The following CFTR variants were observed in gnomAD, a reference collection of about 807,000 sequenced individuals.
CFTR encodes CF transmembrane conductance regulator.
A neutral mutation model predicts 171.6 loss-of-function variants in CFTR; 181 were observed. The observed-to-expected ratio is 1.05, with a 90% CI of 0.93 to 1.19. CFTR has a LOEUF of 1.19. Ranked by LOEUF, CFTR falls within the 50% of genes most tolerant of loss-of-function variation. The probability of loss-of-function intolerance (pLI) is 0.00; values close to 1 mark genes in which losing one functional copy is unlikely to be tolerated. For synonymous variants in CFTR, 583 were observed against 608.0 expected, an observed-to-expected ratio of 0.96 and a Z score of 0.60; for missense variants, 1,968 against 1,734.7, an observed-to-expected ratio of 1.13 and a Z score of -2.39.
intron 1 of CFTR, among the ~76,000 whole-genome samples, chr7:117,485,198 A>G (rs1353300593): frequency 2.0e-5 from 3 of 152,212 alleles, no homozygotes; most frequent in South Asian, 2.1e-4. Context: ...GAGCTACAAT[A>G]TAAGTATAGT....
chr7:117,603,609 C>G lies in CFTR; in HGVS notation c.2735C>G (p.Ser912Trp). The G allele has an allele frequency of 1.9e-6, 3 of 1,613,974 alleles. No homozygotes were observed. Among genetic ancestry groups the G allele is most frequent in the Non-Finnish European group, 2.5e-6 (3 of 1,179,904 alleles). The change falls in exon 17 of 27, where the codon TCG becomes TGG. Residue 912 changes from serine (S) to tryptophan (W), a missense_variant. Ser to Trp is a radical substitution (Grantham distance 177). Coordinates refer to ENST00000003084, the MANE Select transcript of CFTR (RefSeq NM_000492.4). ...GCAGTGATTATCACCAGCACCAGTT[C>G]GTATTATGTGTTTTACATTTACGTG... is the stretch of plus-strand genomic sequence containing the variant. The part of the protein sequence containing the change: ...SYAVIITSTS[S>W]YYVFYIYVGV...
At chr7:117,653,582 C>A (rs971456572) in intron 24 of CFTR, among the ~76,000 whole-genome samples, 3 of 152,108 alleles carry the variant, frequency 2.0e-5, no homozygotes, top group African/African-American at 4.8e-5. Context: ...AATACTATCA[C>A]CTTGGGGGTT....
chr7:117,602,995 A>G lies in CFTR; in HGVS notation c.2657+132A>G, dbSNP rs1217980222. On this transcript the variant is annotated intron_variant, in intron 16 of 26. Transcript: ENST00000003084. ...CCAAGCATTATGGTAGTGGAAAGAT[A>G]AGGTTTTTTGTTTAAATGATGACCA... is the stretch of plus-strand genomic sequence containing the variant. The G allele has an allele frequency of 9.6e-6, 9 of 942,360 alleles. No homozygotes were observed. The East Asian group carries it at 2.2e-4, about 23-fold the overall frequency. 58.4% of individuals were successfully genotyped at this position (942,360 alleles called of 1,614,324 possible). A position where few individuals can be genotyped will look rare whatever the true frequency, so the allele number is the denominator to read the frequency against.
chr7:117,612,035 A>ATATATG (rs1562915101), intron 20 of CFTR, among the ~76,000 whole-genome samples: 8 of 74,244 alleles, frequency 1.1e-4, no homozygotes, highest in Non-Finnish European at 2.2e-4. Flanking sequence ...ATATATATAT[A>ATATATG]TATATATATA....
chr7:117,575,590 A>C (rs1269238392), intron 11 of CFTR, among the ~76,000 whole-genome samples: 1 of 152,074 alleles, frequency 6.6e-6, no homozygotes, highest in Non-Finnish European at 1.5e-5. Flanking sequence ...GCAGATGTGT[A>C]TTTGGGAGAT....
intron 1 of CFTR, among the ~76,000 whole-genome samples, chr7:117,499,429 C>CTGTGTGTGTGTGTGTGTGTGTG (rs56985019): frequency 1.4e-4 from 19 of 135,928 alleles, no homozygotes; most frequent in African/African-American, 5.1e-4. Context: ...ATAGTTTCAT[C>CTGTGTGTGTGTGTGTGTGTGTG]TGTGTGTGTG....
intron 10 of CFTR, among the ~76,000 whole-genome samples, chr7:117,555,563 T>C (rs1799338285): frequency 6.6e-6 from 1 of 152,192 alleles, no homozygotes; most frequent in African/African-American, 2.4e-5. Flanking sequence ...TTTAGTGCAA[T>C]GCCATAAACC....
chr7:117,531,550 A>G (rs1285381195), intron 4 of CFTR, among the ~76,000 whole-genome samples: 1 of 152,172 alleles, frequency 6.6e-6, no homozygotes, highest in Admixed American at 6.6e-5. Flanking sequence ...ACTGGTTGTC[A>G]TAAGTAGTAG....
chr7:117,571,980 A>G (rs1398123345), intron 11 of CFTR, among the ~76,000 whole-genome samples: 1 of 124,256 alleles, frequency 8.0e-6, no homozygotes, highest in Non-Finnish European at 1.8e-5. Context: ...TCAGTGAAGG[A>G]AAAACCTTTT....
chr7:117,535,210 A>G, intron 5 of CFTR, 38 bp from the exon 6 acceptor site: 2 of 1,609,942 alleles, frequency 1.2e-6, no homozygotes, highest in Non-Finnish European at 1.7e-6. Context: ...GGTGGAAGAT[A>G]CAATGACACC....
At chr7:117,551,326 A>G (rs1466591229) in intron 10 of CFTR, among the ~76,000 whole-genome samples, 2 of 152,266 alleles carry the variant, frequency 1.3e-5, no homozygotes, top group East Asian at 3.8e-4. Flanking sequence ...TGTTATGTAC[A>G]AGTTACAAAA....
intron 11 of CFTR, among the ~76,000 whole-genome samples, chr7:117,585,840 T>A (rs547264005): frequency 2.6e-5 from 4 of 152,168 alleles, no homozygotes; most frequent in African/African-American, 9.6e-5. Context: ...TAGAGATGGG[T>A]CTTGCTATGT....
chr7:117,490,687 G>A (rs1402316000), intron 1 of CFTR, among the ~76,000 whole-genome samples: 2 of 152,090 alleles, frequency 1.3e-5, no homozygotes, highest in African/African-American at 4.8e-5. Flanking sequence ...TGCATTAAGT[G>A]ATAGCAAATA....
intron 7 of CFTR, 103 bp downstream of exon 7, chr7:117,536,776 A>G (rs1484246534): frequency 5.1e-6 from 5 of 984,838 alleles, no homozygotes; most frequent in Non-Finnish European, 7.7e-6. Flanking sequence ...GATGTTTGTG[A>G]CAATCAAATG....
intron 24 of CFTR, among the ~76,000 whole-genome samples, chr7:117,663,061 T>C (rs1035660197): frequency 2.6e-5 from 4 of 152,192 alleles, no homozygotes; most frequent in African/African-American, 9.6e-5. Context: ...GCAGTAGAGA[T>C]GACAGATACA....
chr7:117,627,400 C>A (rs1792666899), intron 21 of CFTR, 122 bp from the exon 22 acceptor site: 1 of 1,039,322 alleles, frequency 9.6e-7, no homozygotes, highest in South Asian at 1.4e-5. Flanking sequence ...AAAAGCCCGA[C>A]AAATAACCAA....
At chr7:117,630,887 G>T (rs1410937765) in intron 22 of CFTR, among the ~76,000 whole-genome samples, 4 of 152,168 alleles carry the variant, frequency 2.6e-5, no homozygotes, top group African/African-American at 9.7e-5. Flanking sequence ...ATAACATGAG[G>T]CAAAGGGCAT....
chr7:117,539,569 A>G (rs1054033554), intron 7 of CFTR, among the ~76,000 whole-genome samples: 17 of 152,246 alleles, frequency 1.1e-4, no homozygotes, highest in African/African-American at 4.1e-4. Context: ...ACTTCTCTGT[A>G]GCTTATATGT....
Position 117,552,913 on chromosome 7 carries a change from G to T in CFTR, c.1392+4090G>T, listed in dbSNP as rs552012716. ...TGAAATCCTAATTCCCAAGGTGATG[G>T]TATTGCAGGGTGGGGCCTTTGGGAG... is the stretch of plus-strand genomic sequence containing the variant. On this transcript the variant is annotated intron_variant, in intron 10 of 26. Transcript: ENST00000003084. Among the ~76,000 whole-genome samples, 9 of 152,248 alleles carry T rather than the reference G, an allele frequency of 5.9e-5. No individual in the cohort carries two copies. The highest frequency in any genetic ancestry group is 2.2e-4 in the African/African-American group (9 of 41,542).
Sources: gnomAD v4.1 joint callset for allele counts (sites outside exome capture counted in the v4.1 genomes callset) on GRCh38, gnomAD v4.1.1 for gene constraint, MANE v1.5 for transcripts, NCBI Gene and HGNC (gene_info 2026-07-23, HGNC 2026-07-21) for gene names.